The following CENPP variants were observed in gnomAD, a reference collection of about 807,000 sequenced individuals.
CENPP encodes centromere protein P.
In CENPP, 24 loss-of-function variants were observed where a neutral mutation model predicts 35.6. The ratio of observed to expected loss-of-function variants is 0.67; its 90% CI spans 0.49 to 0.95. The LOEUF (loss-of-function observed/expected upper bound fraction) is 0.95. Ranked by LOEUF, CENPP falls within the 40% of genes least tolerant of loss-of-function variation. CENPP has a pLI of 0.00. For synonymous variants in CENPP, 120 were observed against 125.5 expected, an observed-to-expected ratio of 0.96 and a Z score of 0.29; for missense variants, 332 against 345.3, an observed-to-expected ratio of 0.96 and a Z score of 0.31.
In CENPP at chr9:92,453,311, A is replaced by G. The variant is rs562057216; in HGVS notation, c.564+73452A>G. Among the ~76,000 whole-genome samples the G allele has an allele frequency of 4.5e-4, 68 of 152,144 alleles. No homozygotes were observed. In the South Asian group the frequency reaches 0.013, roughly 30 times the overall value. ...TCTGGTATGTTGTGTCTTTGTTCTC[A>G]TTGGTTTCAAAGAACATCTTTATTT... On this transcript the variant is annotated intron_variant, in intron 5 of 7. Transcript: ENST00000375587.
At chr9:92,501,716 A>G (rs917791583) in intron 5 of CENPP, among the ~76,000 whole-genome samples, 3 of 152,180 alleles carry the variant, frequency 2.0e-5, no homozygotes, top group African/African-American at 7.2e-5. Flanking sequence ...TCAGTGCCAC[A>G]TGCTGCTGAG....
intron 5 of CENPP, among the ~76,000 whole-genome samples, chr9:92,491,718 A>G (rs1163402410): frequency 6.6e-6 from 1 of 152,158 alleles, no homozygotes; most frequent in Non-Finnish European, 1.5e-5. Flanking sequence ...ATCTGACAAG[A>G]TAACTATTCA....
intron 5 of CENPP, among the ~76,000 whole-genome samples, chr9:92,421,630 CA>C (rs1843797295): frequency 6.6e-6 from 1 of 152,196 alleles, no homozygotes; most frequent in Non-Finnish European, 1.5e-5. Flanking sequence ...CTTAGTGAAG[CA>C]CTTTACAAAT....
intron 5 of CENPP, chr9:92,415,021 A>C: frequency 1.5e-6 from 1 of 646,802 alleles, no homozygotes; most frequent in Non-Finnish European, 2.4e-6. Context: ...CCAACAACTT[A>C]AATTCAATTC....
chr9:92,568,149 A>G (rs1008945119), intron 5 of CENPP, among the ~76,000 whole-genome samples: 1 of 117,776 alleles, frequency 8.5e-6, no homozygotes, highest in Non-Finnish European at 1.8e-5. Flanking sequence ...GGTTTGTTAC[A>G]TATGTATACA....
intron 5 of CENPP, chr9:92,493,673 A>T (rs1846233635): frequency 6.4e-6 from 1 of 155,758 alleles, no homozygotes; most frequent in Non-Finnish European, 1.4e-5. Context: ...AGTGTTTGCT[A>T]TAAGGACATT....
At chr9:92,609,775 C>T (rs549893006) in intron 5 of CENPP, among the ~76,000 whole-genome samples, 2 of 152,218 alleles carry the variant, frequency 1.3e-5, no homozygotes, top group African/African-American at 2.4e-5. Flanking sequence ...TCACTCTTGT[C>T]GCCCAGGCTG....
intron 5 of CENPP, among the ~76,000 whole-genome samples, chr9:92,487,882 A>G (rs1304730743): frequency 6.6e-6 from 1 of 152,242 alleles, no homozygotes; most frequent in African/African-American, 2.4e-5. Context: ...TTTGCTCGAT[A>G]GCAAGAAACT....
At chr9:92,442,042 G>C (rs1464491356) in intron 5 of CENPP, among the ~76,000 whole-genome samples, 1 of 151,988 alleles carries the variant, frequency 6.6e-6, no homozygotes, top group Non-Finnish European at 1.5e-5. Context: ...CAAGAAAATA[G>C]AATTACAGTC....
chr9:92,502,415 C>T, intron 5 of CENPP: 1 of 1,440,538 alleles, frequency 6.9e-7, no homozygotes, highest in Non-Finnish European at 9.6e-7. Flanking sequence ...AGTATCGTCA[C>T]CTCCCTCACT....
At chr9:92,546,848 T>A (rs1189535999) in intron 5 of CENPP, among the ~76,000 whole-genome samples, 1 of 152,216 alleles carries the variant, frequency 6.6e-6, no homozygotes. Context: ...AAATTGTCTA[T>A]AACTATTGAG....
rs1305896564 is a variant in CENPP at position 92,428,976 on chromosome 9, C to T, written c.564+49117C>T. ...ATGCTAGGCCTCTGTACCTCTCAATCTTGTTGTTAGCTAACTCTTATCTTT... is the reference window on the plus strand; with the variant it reads ...ATGCTAGGCCTCTGTACCTCTCAATTTTGTTGTTAGCTAACTCTTATCTTT... On this transcript the variant is annotated intron_variant, in intron 5 of 7. Transcript: ENST00000375587. 3.9e-5 allele frequency among the ~76,000 whole-genome samples: 6 copies of T among 152,082 alleles called. No homozygotes were observed. In the South Asian group the frequency reaches 1.0e-3, roughly 26 times the overall value.
At chr9:92,334,869 C>A (rs1840873410) in intron 2 of CENPP, among the ~76,000 whole-genome samples, 1 of 150,230 alleles carries the variant, frequency 6.7e-6, no homozygotes, top group Non-Finnish European at 1.5e-5. Flanking sequence ...GACAGTGAGA[C>A]CCTGTCTCAA....
intron 5 of CENPP, among the ~76,000 whole-genome samples, chr9:92,433,956 A>C (rs1588127213): frequency 6.6e-6 from 1 of 152,160 alleles, no homozygotes; most frequent in East Asian, 1.9e-4. Context: ...ACATTTTTTT[A>C]AACATCAACT....
chr9:92,350,858 C>G (rs1028983133), intron 4 of CENPP, among the ~76,000 whole-genome samples: 3 of 151,890 alleles, frequency 2.0e-5, no homozygotes, highest in African/African-American at 7.3e-5. Flanking sequence ...TCACTATTGC[C>G]CAGGCTGGTC....
intron 5 of CENPP, among the ~76,000 whole-genome samples, chr9:92,576,177 G>T (rs1409630870): frequency 3.3e-5 from 5 of 152,204 alleles, no homozygotes; most frequent in Non-Finnish European, 7.3e-5. Context: ...GCTTAAAAAG[G>T]AAGGAAATTC....
chr9:92,464,988 C>G (rs1481889806), intron 5 of CENPP: 2 of 1,614,032 alleles, frequency 1.2e-6, no homozygotes, highest in East Asian at 4.5e-5. Context: ...TCAAATGCCC[C>G]TGGCTCTATC....
intron 5 of CENPP, among the ~76,000 whole-genome samples, chr9:92,597,484 AAAT>A (rs1850810651): frequency 6.6e-6 from 1 of 152,222 alleles, no homozygotes; most frequent in South Asian, 2.1e-4. Context: ...GAGATTTATG[AAAT>A]AATGAGAGTT....
rs534245958 is a variant in CENPP at position 92,578,859 on chromosome 9, A to T, written c.565-32455A>T. ...GTTGCCATTGCTTTTGGTGTTTTAG[A>T]CATGAAGTTCTTGCCCATGCCTATG... On this transcript the variant is annotated intron_variant, in intron 5 of 7. Coordinates refer to ENST00000375587, the MANE Select transcript of CENPP (RefSeq NM_001012267.3). 8.1e-4 allele frequency among the ~76,000 whole-genome samples: 123 copies of T among 152,186 alleles called. 1 individual carries two copies. Among genetic ancestry groups the T allele is most frequent in the South Asian group, 7.5e-3 (36 of 4,808 alleles).
Sources: gnomAD v4.1 joint callset for allele counts (sites outside exome capture counted in the v4.1 genomes callset) on GRCh38, gnomAD v4.1.1 for gene constraint, MANE v1.5 for transcripts, NCBI Gene and HGNC (gene_info 2026-07-23, HGNC 2026-07-21) for gene names.